Variants in PTPRC observed in about 807,000 individuals in gnomAD.
PTPRC encodes protein tyrosine phosphatase receptor type C.
PTPRC carries 44 observed loss-of-function variants against 155.9 expected under a neutral mutation model. The ratio of observed to expected loss-of-function variants is 0.28; its 90% CI spans 0.22 to 0.36. PTPRC has a LOEUF of 0.36. Among genes scored for constraint, PTPRC ranks in the 10% least tolerant of loss-of-function variants. The pLI is 1.00. For synonymous variants in PTPRC, 525 were observed against 533.1 expected, an observed-to-expected ratio of 0.98 and a Z score of 0.21; for missense variants, 1,401 against 1,564.6, an observed-to-expected ratio of 0.90 and a Z score of 1.76.
At chr1:198,731,816 T>G in intron 18 of PTPRC, 90 bp downstream of exon 18, 2 of 1,024,176 alleles carry the variant, frequency 2.0e-6, no homozygotes, top group Admixed American at 3.5e-5. Context: ...CCTTTATAAT[T>G]TATCCCACTT....
intron 8 of PTPRC, among the ~76,000 whole-genome samples, chr1:198,705,668 G>A (rs561502160): frequency 1.3e-5 from 2 of 151,928 alleles, no homozygotes; most frequent in South Asian, 4.2e-4. Context: ...TGATCAACCT[G>A]ACTCGGCCTT....
At chr1:198,687,638 G>A (rs1665703358) in intron 2 of PTPRC, among the ~76,000 whole-genome samples, 1 of 151,996 alleles carries the variant, frequency 6.6e-6, no homozygotes, top group African/African-American at 2.4e-5. Flanking sequence ...TCCTTTAGAT[G>A]TTACGTAGGT....
intron 2 of PTPRC, among the ~76,000 whole-genome samples, chr1:198,648,859 C>T (rs940052354): frequency 1.3e-5 from 2 of 151,782 alleles, no homozygotes; most frequent in African/African-American, 4.8e-5. Flanking sequence ...CCCCACCCAA[C>T]TCATTTTTGA....
intron 3 of PTPRC, chr1:198,693,134 G>A (rs561213856): frequency 8.5e-6 from 8 of 945,492 alleles, no homozygotes; most frequent in African/African-American, 5.3e-5. Flanking sequence ...TCCAACTAAC[G>A]TACATTCAAC....
At chr1:198,734,650 T>C (rs1571880462) in intron 22 of PTPRC, among the ~76,000 whole-genome samples, 1 of 151,804 alleles carries the variant, frequency 6.6e-6, no homozygotes, top group East Asian at 1.9e-4. Context: ...TTCTGATTAA[T>C]TGCTAGACTC....
intron 15 of PTPRC, among the ~76,000 whole-genome samples, chr1:198,724,544 A>T (rs192241460): frequency 1.3e-5 from 2 of 152,152 alleles, no homozygotes; most frequent in African/African-American, 4.8e-5. Flanking sequence ...TACAAAAAAA[A>T]TTTTTATTCT....
At chr1:198,648,140 G>A (rs1020606037) in intron 2 of PTPRC, among the ~76,000 whole-genome samples, 1 of 151,862 alleles carries the variant, frequency 6.6e-6, no homozygotes, top group African/African-American at 2.4e-5. Context: ...CTGCCACTGA[G>A]TTGTGTAGAT....
At chr1:198,664,221 G>A (rs976134645) in intron 2 of PTPRC, among the ~76,000 whole-genome samples, 2 of 152,222 alleles carry the variant, frequency 1.3e-5, no homozygotes, top group Admixed American at 1.3e-4. Flanking sequence ...GAGAAATAAG[G>A]AACAGACCAT....
At chr1:198,741,719 A>C in intron 23 of PTPRC, 150 bp from the exon 24 acceptor site, 1 of 782,660 alleles carries the variant, frequency 1.3e-6, no homozygotes, top group Non-Finnish European at 2.0e-6. Flanking sequence ...GGTTGAGAAA[A>C]TATATAAGAC....
intron 2 of PTPRC, among the ~76,000 whole-genome samples, chr1:198,648,249 A>G (rs1489374166): frequency 6.6e-6 from 1 of 151,846 alleles, no homozygotes; most frequent in Non-Finnish European, 1.5e-5. Context: ...ATTTATTCTG[A>G]AAAAATGTTT....
chr1:198,645,418 C>T (rs1557962421), intron 2 of PTPRC, among the ~76,000 whole-genome samples: 1 of 151,568 alleles, frequency 6.6e-6, no homozygotes, highest in Non-Finnish European at 1.5e-5. Flanking sequence ...AGGCAGAAAC[C>T]ACTCCAAGCT....
chr1:198,748,066 T>C, intron 26 of PTPRC, 43 bp from the exon 27 acceptor site: 3 of 1,569,616 alleles, frequency 1.9e-6, no homozygotes, highest in Non-Finnish European at 2.6e-6. Flanking sequence ...AAGCCAATAT[T>C]TACATTTTAA....
chr1:198,724,798 G>GTTTGTT (rs770196998), intron 15 of PTPRC, among the ~76,000 whole-genome samples: 1 of 150,824 alleles, frequency 6.6e-6, no homozygotes, highest in East Asian at 1.9e-4. Context: ...GTTTTGTTTT[G>GTTTGTT]TTTGTTTTTG....
chr1:198,729,301 G>C, intron 17 of PTPRC, 130 bp downstream of exon 17: 2 of 1,154,988 alleles, frequency 1.7e-6, no homozygotes, highest in Non-Finnish European at 1.1e-6. Flanking sequence ...AAGTGTGGTG[G>C]TGCAATCTCT....
Position 198,714,930 on chromosome 1 carries a change from ATTAAT to A in PTPRC, c.1292-1748_1292-1744del, listed in dbSNP as rs1653499514. Among the ~76,000 whole-genome samples the A allele has an allele frequency of 2.0e-5, 3 of 152,300 alleles. No homozygotes were observed. The South Asian group carries it at 6.2e-4, about 32-fold the overall frequency. On this transcript the variant is annotated intron_variant, in intron 12 of 32. Coordinates refer to ENST00000442510, the MANE Select transcript of PTPRC (RefSeq NM_002838.5). Reference sequence around the variant, plus strand: ...AAAGAGGAGAAAAAATGCAATTGACATTAATTTAGTTTTATTGGTTTAGCAGGTTT... The same window carrying A: ...AAAGAGGAGAAAAAATGCAATTGACATTAGTTTTATTGGTTTAGCAGGTTT...
chr1:198,712,383 G>A (rs2102426801), intron 11 of PTPRC, among the ~76,000 whole-genome samples: 1 of 152,200 alleles, frequency 6.6e-6, no homozygotes, highest in Non-Finnish European at 1.5e-5. Flanking sequence ...GGACATTTTG[G>A]GATCACAGAA....
At chr1:198,672,441 G>C (rs1664697118) in intron 2 of PTPRC, among the ~76,000 whole-genome samples, 1 of 151,944 alleles carries the variant, frequency 6.6e-6, no homozygotes, top group Non-Finnish European at 1.5e-5. Flanking sequence ...GTTAGTTGTA[G>C]CTGAAACCAT....
chr1:198,658,372 A>T (rs1399585580), intron 2 of PTPRC, among the ~76,000 whole-genome samples: 5 of 152,152 alleles, frequency 3.3e-5, no homozygotes, highest in Non-Finnish European at 7.3e-5. Context: ...ATTGAGCCTG[A>T]GTATTATTTT....
At chr1:198,724,835 C>T (rs924803176) in intron 15 of PTPRC, among the ~76,000 whole-genome samples, 1 of 151,946 alleles carries the variant, frequency 6.6e-6, no homozygotes, top group Non-Finnish European at 1.5e-5. Context: ...GAGTTTCGCT[C>T]TTGTTGCCCA....
Sources: allele counts gnomAD v4.1 joint callset (sites outside exome capture counted in the v4.1 genomes callset), GRCh38; gene constraint gnomAD v4.1.1; transcripts MANE v1.5; gene names NCBI Gene and HGNC (gene_info 2026-07-23, HGNC 2026-07-21).